The following TTLL11 variants were observed in gnomAD, a reference collection of about 807,000 sequenced individuals.
TTLL11 encodes the protein tubulin polyglutamylase TTLL11.
TTLL11 carries 42 observed loss-of-function variants against 51.7 expected under a neutral mutation model. The ratio of observed to expected loss-of-function variants is 0.81; its 90% CI spans 0.64 to 1.05. The LOEUF (loss-of-function observed/expected upper bound fraction) is 1.05, where lower values mean the gene tolerates loss of function less well. Among genes scored for constraint, TTLL11 ranks in the 50% least tolerant of loss-of-function variants. The probability of loss-of-function intolerance (pLI) is 0.00; values close to 1 mark genes in which losing one functional copy is unlikely to be tolerated. For missense variants in TTLL11, 799 were observed against 940.4 expected (o/e 0.85, Z 1.97); for synonymous variants, 381 against 383.5 (o/e 0.99, Z 0.08).
At chr9:121,845,638 A>C (rs1413778934) in intron 8 of TTLL11, among the ~76,000 whole-genome samples, 2 of 152,200 alleles carry the variant, frequency 1.3e-5, no homozygotes, top group African/African-American at 4.8e-5. Flanking sequence ...CATGGAAAAG[A>C]GAAATCAGAA....
intron 6 of TTLL11, among the ~76,000 whole-genome samples, chr9:121,930,703 C>T (rs1042211445): frequency 3.9e-5 from 6 of 152,218 alleles, no homozygotes; most frequent in Admixed American, 6.5e-5. Context: ...AGGTCTGCCA[C>T]GCCATCAGGT....
intron 1 of TTLL11, among the ~76,000 whole-genome samples, chr9:122,083,992 T>C (rs1214277139): frequency 6.6e-6 from 1 of 152,186 alleles, no homozygotes; most frequent in Non-Finnish European, 1.5e-5. Context: ...ATTTCTGGAA[T>C]TGGAACGAAG....
At chr9:121,873,382 CTTTT>C (rs71370697) in intron 6 of TTLL11, among the ~76,000 whole-genome samples, 5 of 110,510 alleles carry the variant, frequency 4.5e-5, no homozygotes, top group Non-Finnish European at 3.7e-5. Context: ...TCTTCTTCTC[CTTTT>C]TTTTTTTTTT....
At chr9:121,876,408 G>A (rs564633832) in intron 6 of TTLL11, among the ~76,000 whole-genome samples, 1 of 152,140 alleles carries the variant, frequency 6.6e-6, no homozygotes, top group East Asian at 1.9e-4. Flanking sequence ...CATGCCCCAG[G>A]GGCCTCGGAT....
Position 121,967,332 on chromosome 9 carries a change from C to A in TTLL11, c.1481+6677G>T, listed in dbSNP as rs543138951. Among the ~76,000 whole-genome samples, 16 of 143,732 alleles carry A rather than the reference C, an allele frequency of 1.1e-4. No homozygotes were observed. The South Asian group carries it at 3.4e-3, about 31-fold the overall frequency. The allele number at this position is 143,732 out of a possible 152,430, so 94.3% of individuals were successfully genotyped here. A position where few individuals can be genotyped will look rare whatever the true frequency, so the allele number is the denominator to read the frequency against. On this transcript the variant is annotated intron_variant, in intron 6 of 8. Coordinates refer to ENST00000321582, the MANE Select transcript of TTLL11 (RefSeq NM_001139442.2). The stretch of plus-strand genomic sequence containing the variant: ...CTCCGCCTCCCGGGTTCAAGCGATT[C>A]TCTTGCCTCAGCCTCCCGAGTAGCT...
intron 2 of TTLL11, among the ~76,000 whole-genome samples, chr9:122,037,633 C>G (rs1341052517): frequency 6.6e-6 from 1 of 152,168 alleles, no homozygotes; most frequent in Non-Finnish European, 1.5e-5. Flanking sequence ...CTAAAAGATA[C>G]TGGATTCTGT....
At chr9:121,831,232 G>T (rs1836995581) in intron 8 of TTLL11, among the ~76,000 whole-genome samples, 1 of 152,196 alleles carries the variant, frequency 6.6e-6, no homozygotes, top group Non-Finnish European at 1.5e-5. Context: ...AGAAATGCAG[G>T]TTCCTGTTCC....
chr9:121,904,006 T>G (rs961146062), intron 6 of TTLL11, among the ~76,000 whole-genome samples: 1 of 152,224 alleles, frequency 6.6e-6, no homozygotes, highest in Admixed American at 6.5e-5. Context: ...CCAACTCAGC[T>G]TCATGCCCGG....
chr9:121,977,765 C>A (rs180756308), intron 4 of TTLL11, among the ~76,000 whole-genome samples: 1 of 151,956 alleles, frequency 6.6e-6, no homozygotes, highest in East Asian at 1.9e-4. Context: ...ACCTCCGCCT[C>A]CCAGGCTCAA....
chr9:122,084,746 T>C (rs1363721481), intron 1 of TTLL11, among the ~76,000 whole-genome samples: 1 of 152,212 alleles, frequency 6.6e-6, no homozygotes, highest in Admixed American at 6.5e-5. Flanking sequence ...AACAACTAGC[T>C]AGTATTTTAT....
At position 121,863,061 on chromosome 9, in the gene TTLL11, C is replaced by G. The variant is rs1838065132; in HGVS notation, c.1734-2618G>C. Among the ~76,000 whole-genome samples the G allele has an allele frequency of 2.6e-5, 4 of 152,252 alleles. No individual in the cohort carries two copies. The South Asian group carries it at 8.3e-4, about 32-fold the overall frequency. ...TCCTCCCTCCTCCCTTTCTTTCTTC[C>G]CGCCTGTATTTCCCAGGCCATCAAT... On this transcript the variant is annotated intron_variant, in intron 7 of 8. Transcript: ENST00000321582.
At chr9:121,914,737 C>A (rs753502239) in intron 6 of TTLL11, among the ~76,000 whole-genome samples, 6 of 152,190 alleles carry the variant, frequency 3.9e-5, no homozygotes, top group Non-Finnish European at 7.3e-5. Flanking sequence ...GCAGATGCCC[C>A]ATTTCCCCTG....
chr9:121,998,602 T>A (rs1194007842), intron 3 of TTLL11, among the ~76,000 whole-genome samples: 1 of 151,736 alleles, frequency 6.6e-6, no homozygotes, highest in East Asian at 1.9e-4. Context: ...TTTTTTTTTT[T>A]AATGCAAGAA....
intron 8 of TTLL11, among the ~76,000 whole-genome samples, chr9:121,848,239 A>C (rs933777723): frequency 1.3e-4 from 20 of 152,074 alleles, no homozygotes; most frequent in African/African-American, 4.3e-4. Flanking sequence ...AAAAGGAATC[A>C]TATACCATGA....
chr9:121,869,128 C>A lies in TTLL11; in HGVS notation c.1733+1369G>T, dbSNP rs4372075. Among the ~76,000 whole-genome samples the A allele has an allele frequency of 1.6e-4, 25 of 152,166 alleles. 1 individual carries two copies. In the South Asian group the frequency reaches 2.3e-3, roughly 14 times the overall value. On this transcript the variant is annotated intron_variant, in intron 7 of 8. Transcript: ENST00000321582. ...CTCTTTCCACTGGGCTTCCCTCCCC[C>A]ACCCTGCCCTACCTCCTGAAACTAA... is the stretch of plus-strand genomic sequence containing the variant.
chr9:122,039,012 T>G (rs749045359), intron 2 of TTLL11, among the ~76,000 whole-genome samples: 23 of 152,188 alleles, frequency 1.5e-4, no homozygotes, highest in Admixed American at 3.9e-4. Context: ...TTCCTCTCAT[T>G]AGAACCCCAT....
At chr9:121,848,204 C>T (rs934227811) in intron 8 of TTLL11, among the ~76,000 whole-genome samples, 10 of 149,114 alleles carry the variant, frequency 6.7e-5, no homozygotes, top group South Asian at 2.1e-4. Context: ...AAGACCCTAT[C>T]GCTAAGGAAA....
intron 1 of TTLL11, among the ~76,000 whole-genome samples, chr9:122,064,784 A>G (rs945098456): frequency 1.3e-5 from 2 of 152,332 alleles, no homozygotes; most frequent in East Asian, 3.9e-4. Context: ...GGAGGAGGGA[A>G]GAGGTGGGGA....
intron 6 of TTLL11, among the ~76,000 whole-genome samples, chr9:121,961,042 T>A (rs1486600570): frequency 6.6e-6 from 1 of 152,200 alleles, no homozygotes; most frequent in Non-Finnish European, 1.5e-5. Flanking sequence ...TAGAGAACAC[T>A]GCCAAACACT....
Sources: gnomAD v4.1 joint callset for allele counts (sites outside exome capture counted in the v4.1 genomes callset) on GRCh38, gnomAD v4.1.1 for gene constraint, MANE v1.5 for transcripts, NCBI Gene and HGNC (gene_info 2026-07-23, HGNC 2026-07-21) for gene names.